Variants in LRRC61 observed in about 807,000 individuals in gnomAD.
LRRC61 encodes the protein leucine-rich repeat-containing protein 61.
A neutral mutation model predicts 15.1 loss-of-function variants in LRRC61; 9 were observed. That is an observed-to-expected ratio of 0.60 (90% CI 0.36 to 1.04). The LOEUF (loss-of-function observed/expected upper bound fraction) is 1.04, where lower values mean the gene tolerates loss of function less well. Among genes scored for constraint, LRRC61 ranks in the 50% least tolerant of loss-of-function variants. LRRC61 has a pLI of 0.01. For missense variants in LRRC61, 344 were observed against 335.6 expected, an observed-to-expected ratio of 1.03 and a Z score of -0.20; for synonymous variants, 173 against 158.6, an observed-to-expected ratio of 1.09 and a Z score of -0.68.
rs772342541 is a variant in LRRC61 at position 150,337,041 on chromosome 7, A to G, written c.180A>G (p.Leu60=). Residue 60 remains leucine, a synonymous_variant, in exon 3 of 3, where the codon CTA becomes CTG. Coordinates refer to ENST00000359623, the MANE Select transcript of LRRC61 (RefSeq NM_001142928.2). The stretch of plus-strand genomic sequence containing the variant: ...GCCTGGGCCTGGAGTGGCTGGACCT[A>G]TCAGGCAACGCGCTCACCCACCTGG... ...GECLGLEWLD[L]SGNALTHLGP... 1.9e-6 allele frequency: 3 copies of G among 1,613,490 alleles called. No individual in the cohort carries two copies. Among genetic ancestry groups the G allele is most frequent in the East Asian group, 2.2e-5 (1 of 44,876 alleles).
At chr7:150,323,792 C>A in intron 1 of LRRC61, 1 of 435,874 alleles carries the variant, frequency 2.3e-6, no homozygotes, top group South Asian at 1.6e-5. Flanking sequence ...TCTCATGAGG[C>A]GGGTGCTGTT....
chr7:150,314,835 C>T, the LRRC61 span, among the ~76,000 whole-genome samples: 1 of 149,622 alleles, frequency 6.7e-6, no homozygotes, highest in African/African-American at 2.4e-5. Context: ...ACCTGTAGTC[C>T]CAGCTACTCA....
rs775492913 is a variant in LRRC61 at position 150,336,884 on chromosome 7, C to T, written c.23C>T (p.Pro8Leu). 9.3e-6 allele frequency: 15 copies of T among 1,613,104 alleles called. No homozygotes were observed. Among genetic ancestry groups the T allele is most frequent in the African/African-American group, 2.7e-5 (2 of 74,938 alleles). ...CTCATGGACCCTCCAGCGGAGAAGC[C>T]GGGAGAGGCTGGCGGACTGCAGATC... Reference protein sequence around the residue: MDPPAEKPGEAGGLQITP... With the variant: MDPPAEKLGEAGGLQITP... The change falls in exon 3 of 3, where the codon CCG becomes CTG. Residue 8 changes from proline (P) to leucine (L), a missense_variant. Transcript: ENST00000359623.
chr7:150,315,816 C>T, the LRRC61 span, among the ~76,000 whole-genome samples: 6 of 148,718 alleles, frequency 4.0e-5, no homozygotes, highest in Middle Eastern at 3.4e-3. Context: ...GACACAAACA[C>T]TCCCAACACT....
chr7:150,317,483 TTG>T, the LRRC61 span, among the ~76,000 whole-genome samples: 354 of 152,366 alleles, frequency 2.3e-3, 1 homozygote, highest in African/African-American at 8.2e-3. Flanking sequence ...GTTAATTATT[TTG>T]TGTTTCTCAC....
chr7:150,326,986 C>A (rs1339235582), intron 2 of LRRC61, among the ~76,000 whole-genome samples: 2 of 152,212 alleles, frequency 1.3e-5, no homozygotes, highest in Non-Finnish European at 2.9e-5. Context: ...TTCTGAGGTT[C>A]TTCTGGCTGG....
rs1432156640 is a variant in LRRC61 at position 150,335,142 on chromosome 7, T to C, written c.-144-1576T>C. ...CCTCCCCATTGCTTCCTGCCCTCCT[T>C]AGGGCCTGTATCTTTTGTTTTCACA... On this transcript the variant is annotated intron_variant, in intron 2 of 2. Coordinates refer to ENST00000359623, the MANE Select transcript of LRRC61 (RefSeq NM_001142928.2). This position sits in a 1 kb window ranked among gnomAD's most constrained non-coding sequence, Gnocchi z 4.3. Among the ~76,000 whole-genome samples, 1 of 151,600 alleles carries C rather than the reference T, an allele frequency of 6.6e-6. No homozygotes were observed. The highest frequency in any genetic ancestry group is 1.5e-5 in the Non-Finnish European group (1 of 67,746).
rs1392827772 is a variant in LRRC61 at position 150,337,162 on chromosome 7, A to G, written c.301A>G (p.Ser101Gly). The change falls in exon 3 of 3, where the codon AGT (serine) becomes GGT (glycine). Residue 101 changes from serine to glycine, a missense_variant. Ser to Gly is a moderately conservative substitution (Grantham distance 56). Transcript: ENST00000359623. Reference protein sequence around the residue: ...EPLATCENLQSLNAAGNLLAT... With the variant: ...EPLATCENLQGLNAAGNLLAT... ...ACTGGCCACCTGTGAGAACTTGCAG[A>G]GTCTCAATGCCGCAGGCAACCTACT... The G allele has an allele frequency of 6.2e-7, 1 of 1,610,424 alleles. No individual in the cohort carries two copies. Among genetic ancestry groups the G allele is most frequent in the Non-Finnish European group, 8.5e-7 (1 of 1,180,000 alleles).
chr7:150,329,052 C>CT (rs1798027414), intron 2 of LRRC61, among the ~76,000 whole-genome samples: 1 of 152,216 alleles, frequency 6.6e-6, no homozygotes, highest in African/African-American at 2.4e-5. Context: ...CAGTTGAAAC[C>CT]TAGTCTCCCG....
At position 150,323,394 on chromosome 7, in the gene LRRC61, A is replaced by G. The variant is rs1025922996; in HGVS notation, c.-481A>G. Reference sequence around the variant, plus strand: ...GGCGCTGGGAGAAGCACGCTGGCCAACAAGTTGGGTGGTGGGCACGCGGCC... The same window carrying G: ...GGCGCTGGGAGAAGCACGCTGGCCAGCAAGTTGGGTGGTGGGCACGCGGCC... On this transcript the variant is annotated 5_prime_UTR_variant, in exon 1 of 3. Coordinates refer to ENST00000359623, the MANE Select transcript of LRRC61 (RefSeq NM_001142928.2). 1.0e-5 allele frequency: 3 copies of G among 298,324 alleles called. No homozygotes were observed. Among genetic ancestry groups the G allele is most frequent in the Non-Finnish European group, 1.9e-5 (3 of 154,492 alleles). The allele number at this position is 298,324 out of a possible 1,614,324, so 18.5% of individuals were successfully genotyped here.
the LRRC61 span, among the ~76,000 whole-genome samples, chr7:150,314,517 C>T: frequency 6.6e-6 from 1 of 152,064 alleles, no homozygotes; most frequent in African/African-American, 2.4e-5. Flanking sequence ...CTATTTATTT[C>T]TCTGAAAAAG....
chr7:150,337,799 T>G lies in LRRC61; in HGVS notation c.*158T>G. The G allele has an allele frequency of 2.7e-6, 2 of 753,426 alleles. No individual in the cohort carries two copies. Among genetic ancestry groups the G allele is most frequent in the Non-Finnish European group, 4.2e-6 (2 of 475,908 alleles). 46.7% of individuals were successfully genotyped at this position (753,426 alleles called of 1,614,324 possible). On this transcript the variant is annotated 3_prime_UTR_variant, in exon 3 of 3. Transcript: ENST00000359623. ...TCCTGAGAGCAGCCCCTCCCCACCA[T>G]CCCTCCACATGCTGCAAGGACAGAC...
the LRRC61 span, among the ~76,000 whole-genome samples, chr7:150,314,771 CAA>C: frequency 2.2e-5 from 2 of 90,362 alleles, no homozygotes; most frequent in Admixed American, 1.2e-4. Context: ...CCCATCTCTC[CAA>C]AAAAAAAAAA....
Position 150,323,437 on chromosome 7 carries a change from C to G in LRRC61, c.-438C>G, listed in dbSNP as rs3735173. ...ACGCGGCCCAGGGGTCAGGGGCCGCCAGGCGGCGGGCGGCGGGGCTGCGGC... is the reference window on the plus strand; with the variant it reads ...ACGCGGCCCAGGGGTCAGGGGCCGCGAGGCGGCGGGCGGCGGGGCTGCGGC... On this transcript the variant is annotated 5_prime_UTR_variant, in exon 1 of 3. Coordinates refer to ENST00000359623, the MANE Select transcript of LRRC61 (RefSeq NM_001142928.2). 1.4e-5 allele frequency: 5 copies of G among 345,002 alleles called. No homozygotes were observed. The East Asian group carries it at 6.0e-4, about 42-fold the overall frequency. 21.4% of individuals were successfully genotyped at this position (345,002 alleles called of 1,614,324 possible).
At chr7:150,314,484 G>A in the LRRC61 span, among the ~76,000 whole-genome samples, 2 of 152,230 alleles carry the variant, frequency 1.3e-5, no homozygotes, top group African/African-American at 2.4e-5. Flanking sequence ...TAGGGTGGGG[G>A]CGATGGAGCT....
chr7:150,312,561 CTTATT>C, the LRRC61 span, among the ~76,000 whole-genome samples: 2 of 152,140 alleles, frequency 1.3e-5, no homozygotes, highest in Non-Finnish European at 2.9e-5. Flanking sequence ...TTTTAGAGAA[CTTATT>C]TTATTAGGGC....
chr7:150,320,431 C>CTA (rs1797383974), upstream of LRRC61, among the ~76,000 whole-genome samples: 1 of 152,164 alleles, frequency 6.6e-6, no homozygotes, highest in Admixed American at 6.6e-5. Context: ...TATGAGTGGA[C>CTA]TATTATCTTT....
intron 2 of LRRC61, chr7:150,331,503 A>G (rs985538358): frequency 3.6e-5 from 7 of 193,296 alleles, no homozygotes; most frequent in Non-Finnish European, 8.2e-5. Flanking sequence ...TTTCTGGGAG[A>G]TGTCATTTTC....
At chr7:150,313,736 C>T in the LRRC61 span, among the ~76,000 whole-genome samples, 5 of 152,144 alleles carry the variant, frequency 3.3e-5, no homozygotes, top group Admixed American at 3.3e-4. Flanking sequence ...TTTACATTAG[C>T]TAGAAAGAGG....
Sources: gnomAD v4.1 joint callset for allele counts (sites outside exome capture counted in the v4.1 genomes callset) on GRCh38, gnomAD v4.1.1 for gene constraint, Gnocchi (gnomAD v3.1) non-coding constraint, MANE v1.5 for transcripts, NCBI Gene and HGNC (gene_info 2026-07-23, HGNC 2026-07-21) for gene names.